XIRP2: variants seen among roughly 807,000 people sequenced by gnomAD.
XIRP2 encodes the protein xin actin binding repeat containing 2, also known as xin actin-binding repeat-containing protein 2.
In XIRP2, 236 loss-of-function variants were observed where a neutral mutation model predicts 277.0. That is an observed-to-expected ratio of 0.85 (90% CI 0.77 to 0.95). XIRP2 has a LOEUF of 0.95. Among genes scored for constraint, XIRP2 ranks in the 40% least tolerant of loss-of-function variants. The pLI is 0.00. For synonymous variants in XIRP2, 1,490 were observed against 1,416.5 expected (o/e 1.05, Z -1.17); for missense variants, 4,640 against 4,157.5 (o/e 1.12, Z -3.19).
intron 2 of XIRP2, among the ~76,000 whole-genome samples, chr2:166,910,470 A>G (rs1386409175): frequency 6.6e-6 from 1 of 152,034 alleles, no homozygotes; most frequent in African/African-American, 2.4e-5. Flanking sequence ...TCCCTTTATC[A>G]TTTTTTATGG....
chr2:166,985,920 G>A (rs542946188), intron 2 of XIRP2, among the ~76,000 whole-genome samples: 1 of 152,218 alleles, frequency 6.6e-6, no homozygotes, highest in South Asian at 2.1e-4. Context: ...CAAGTCCAAG[G>A]CTGGCAGAGC....
rs371099388 is a variant in XIRP2, at chr2:166,933,087, TAC to T, written c.408+29211_408+29212del. Among the ~76,000 whole-genome samples, 416 of 148,992 alleles carry T rather than the reference TAC, an allele frequency of 2.8e-3. 2 individuals carry two copies. The highest frequency in any genetic ancestry group is 8.6e-3 in the African/African-American group (346 of 40,112). Reference sequence around the variant, plus strand: ...TAATCTACACACACACACACACACATACACACACACACACAAACATGCACCTT... The same window carrying T: ...TAATCTACACACACACACACACACATACACACACACACAAACATGCACCTT... On this transcript the variant is annotated intron_variant, in intron 2 of 10. Coordinates refer to ENST00000409195, the MANE Select transcript of XIRP2 (RefSeq NM_152381.6).
chr2:166,892,310 A>G (rs535292911), intron 1 of XIRP2, among the ~76,000 whole-genome samples: 4 of 152,288 alleles, frequency 2.6e-5, no homozygotes, highest in African/African-American at 9.6e-5. Context: ...AGGGCCTCAG[A>G]AAATGCTGTG....
chr2:167,126,595 A>G (rs1691213940), intron 2 of XIRP2, among the ~76,000 whole-genome samples: 1 of 152,182 alleles, frequency 6.6e-6, no homozygotes, highest in Non-Finnish European at 1.5e-5. Flanking sequence ...AGTAACTTCT[A>G]TTAAATGGAA....
At chr2:167,211,140 T>C (rs2105389859) in intron 4 of XIRP2, among the ~76,000 whole-genome samples, 1 of 152,290 alleles carries the variant, frequency 6.6e-6, no homozygotes, top group Middle Eastern at 3.4e-3. Context: ...AGTCTTGCTC[T>C]GTCATCCAGG....
Position 167,112,404 on chromosome 2 carries a change from A to G in XIRP2, c.409-23505A>G, listed in dbSNP as rs568671570. On this transcript the variant is annotated intron_variant, in intron 2 of 10. Coordinates refer to ENST00000409195, the MANE Select transcript of XIRP2 (RefSeq NM_152381.6). ...AATGAATATCTTGATTTCTGCCTTA[A>G]TTTTATTATTTACCCAAAAGTCATT... Among the ~76,000 whole-genome samples the G allele has an allele frequency of 2.0e-5, 3 of 151,678 alleles. 1 individual carries two copies. Among genetic ancestry groups the G allele is most frequent in the African/African-American group, 7.2e-5 (3 of 41,424 alleles).
At chr2:167,044,717 T>C (rs1171652471) in intron 2 of XIRP2, among the ~76,000 whole-genome samples, 1 of 151,496 alleles carries the variant, frequency 6.6e-6, no homozygotes, top group Non-Finnish European at 1.5e-5. Flanking sequence ...AGGTGAAAGA[T>C]CTATACAATG....
intron 2 of XIRP2, among the ~76,000 whole-genome samples, chr2:167,054,421 C>T (rs1256727791): frequency 4.6e-5 from 7 of 152,132 alleles, no homozygotes; most frequent in Admixed American, 1.3e-4. Context: ...AGGTGGCTCA[C>T]GCCTGTAATC....
At chr2:167,032,848 A>G (rs1350301399) in intron 2 of XIRP2, among the ~76,000 whole-genome samples, 2 of 152,156 alleles carry the variant, frequency 1.3e-5, no homozygotes, top group Non-Finnish European at 2.9e-5. Context: ...TGTGGGTTGG[A>G]ATGCAAATTA....
chr2:167,184,946 C>T (rs1354933847), intron 3 of XIRP2, among the ~76,000 whole-genome samples: 1 of 152,142 alleles, frequency 6.6e-6, no homozygotes, highest in Non-Finnish European at 1.5e-5. Context: ...CCTTATGAAT[C>T]TTTCTGCCTT....
intron 3 of XIRP2, among the ~76,000 whole-genome samples, chr2:167,183,016 T>C (rs1269644892): frequency 2.0e-5 from 3 of 152,196 alleles, no homozygotes; most frequent in East Asian, 3.9e-4. Context: ...AAGAAGCACA[T>C]AGAATTTTGA....
intron 3 of XIRP2, among the ~76,000 whole-genome samples, chr2:167,170,524 G>T (rs1347742239): frequency 1.3e-5 from 2 of 151,978 alleles, no homozygotes; most frequent in African/African-American, 4.8e-5. Context: ...TTCTTGTGTT[G>T]CTTGTGATTA....
chr2:166,986,383 GTTCC>G (rs1687005898), intron 2 of XIRP2, among the ~76,000 whole-genome samples: 1 of 152,150 alleles, frequency 6.6e-6, no homozygotes, highest in Non-Finnish European at 1.5e-5. Context: ...AGTGTTTTGA[GTTCC>G]TTCAACATTG....
At chr2:167,219,752 C>T (rs1017283831) in intron 5 of XIRP2, among the ~76,000 whole-genome samples, 1 of 152,188 alleles carries the variant, frequency 6.6e-6, no homozygotes, top group African/African-American at 2.4e-5. Context: ...AAATTCATAA[C>T]CCCCTCAGTC....
At chr2:167,078,905 A>G (rs2105259561) in intron 2 of XIRP2, among the ~76,000 whole-genome samples, 1 of 150,616 alleles carries the variant, frequency 6.6e-6, no homozygotes. Context: ...ATTGAATAGG[A>G]GTGGTAACAG....
At chr2:166,922,589 G>C (rs955109090) in intron 2 of XIRP2, among the ~76,000 whole-genome samples, 1 of 151,628 alleles carries the variant, frequency 6.6e-6, no homozygotes, top group East Asian at 1.9e-4. Context: ...CATAACATAA[G>C]AGGTAATAAA....
intron 2 of XIRP2, among the ~76,000 whole-genome samples, chr2:167,093,506 C>A (rs1363320683): frequency 6.6e-6 from 1 of 151,938 alleles, no homozygotes. Flanking sequence ...TGTGATGTTC[C>A]CCTCCCTGTG....
At chr2:167,115,602 A>G (rs984346614) in intron 2 of XIRP2, among the ~76,000 whole-genome samples, 10 of 152,090 alleles carry the variant, frequency 6.6e-5, no homozygotes, top group Non-Finnish European at 1.3e-4. Flanking sequence ...CTTCAATTCT[A>G]GTCTACTCAT....
intron 5 of XIRP2, among the ~76,000 whole-genome samples, chr2:167,238,535 C>T (rs1694964514): frequency 6.6e-6 from 1 of 152,162 alleles, no homozygotes; most frequent in Non-Finnish European, 1.5e-5. Context: ...GGGAAAAAGT[C>T]TCATACATCT....
Sources: gnomAD v4.1 joint callset for allele counts (sites outside exome capture counted in the v4.1 genomes callset) on GRCh38, gnomAD v4.1.1 for gene constraint, MANE v1.5 for transcripts, NCBI Gene and HGNC (gene_info 2026-07-23, HGNC 2026-07-21) for gene names.